The following THSD7B variants were observed in gnomAD, a reference collection of about 807,000 sequenced individuals.
The protein encoded by THSD7B is thrombospondin type-1 domain-containing protein 7B.
In THSD7B, 138 loss-of-function variants were observed where a neutral mutation model predicts 213.6. That is an observed-to-expected ratio of 0.65 (90% confidence interval 0.56 to 0.74). The LOEUF (loss-of-function observed/expected upper bound fraction) is 0.74. Ranked by LOEUF, THSD7B falls within the 30% of genes least tolerant of loss-of-function variation. The probability of loss-of-function intolerance (pLI) is 0.00; values close to 1 mark genes in which losing one functional copy is unlikely to be tolerated. For missense variants in THSD7B, 1,931 were observed against 1,991.5 expected, an observed-to-expected ratio of 0.97 and a Z score of 0.58; for synonymous variants, 742 against 687.0, an observed-to-expected ratio of 1.08 and a Z score of -1.25.
chr2:137,228,546 T>A (rs76047259), intron 7 of THSD7B, among the ~76,000 whole-genome samples: 1,959 of 152,248 alleles, frequency 0.013, 54 homozygotes, highest in East Asian at 0.075. Flanking sequence ...TCCTCCAAGA[T>A]AGTCTTTCTC....
intron 6 of THSD7B, among the ~76,000 whole-genome samples, chr2:137,163,747 T>A (rs112588196): frequency 0.034 from 5,245 of 152,314 alleles, 129 homozygotes; most frequent in Middle Eastern, 0.051. Flanking sequence ...TAGAAACTAA[T>A]ACACTGCCCA....
chr2:137,514,487 G>C (rs867069744), intron 15 of THSD7B, among the ~76,000 whole-genome samples: 2 of 152,048 alleles, frequency 1.3e-5, no homozygotes, highest in Non-Finnish European at 2.9e-5. Flanking sequence ...GGCCTATTGC[G>C]GGACCTTGTG....
intron 2 of THSD7B, among the ~76,000 whole-genome samples, chr2:136,996,332 TTTTTTTC>T (rs1441066712): frequency 2.0e-5 from 3 of 152,106 alleles, no homozygotes; most frequent in African/African-American, 7.2e-5. Context: ...TTTCTTTTTC[TTTTTTTC>T]TTTTTTCTTT....
chr2:136,999,489 T>C (rs1318458304), intron 2 of THSD7B, among the ~76,000 whole-genome samples: 1 of 151,740 alleles, frequency 6.6e-6, no homozygotes, highest in South Asian at 2.1e-4. Context: ...AAGCATGATA[T>C]TGATTTTGAC....
At chr2:137,606,198 A>G (rs1193653987) in intron 17 of THSD7B, among the ~76,000 whole-genome samples, 1 of 152,152 alleles carries the variant, frequency 6.6e-6, no homozygotes, top group Non-Finnish European at 1.5e-5. Context: ...CGAGTTAGGC[A>G]AAGTGGCGTA....
intron 27 of THSD7B, among the ~76,000 whole-genome samples, chr2:137,672,883 T>G (rs1198452527): frequency 6.6e-6 from 1 of 152,214 alleles, no homozygotes; most frequent in African/African-American, 2.4e-5. Flanking sequence ...CCCCTTCTCC[T>G]CTGGCAGTAA....
intron 12 of THSD7B, among the ~76,000 whole-genome samples, chr2:137,315,822 T>C (rs1684085797): frequency 6.6e-6 from 1 of 152,232 alleles, no homozygotes; most frequent in Non-Finnish European, 1.5e-5. Flanking sequence ...TTGTAATTTC[T>C]CATGTTAGAA....
intron 13 of THSD7B, 74 bp downstream of exon 13, chr2:137,405,881 C>T (rs745313730): frequency 3.1e-5 from 42 of 1,364,646 alleles, no homozygotes; most frequent in Non-Finnish European, 4.0e-5. Context: ...AATATGAGGT[C>T]CAAAGGACAG....
chr2:137,189,760 G>A (rs183369974), intron 7 of THSD7B, among the ~76,000 whole-genome samples: 153 of 151,958 alleles, frequency 1.0e-3, no homozygotes, highest in African/African-American at 3.4e-3. Context: ...CTGACTATGC[G>A]GACCTCACAG....
chr2:137,476,619 A>G (rs1002074059), intron 15 of THSD7B, among the ~76,000 whole-genome samples: 3 of 152,134 alleles, frequency 2.0e-5, no homozygotes, highest in South Asian at 2.1e-4. Flanking sequence ...ATGGAAAATC[A>G]GTTGTCTATA....
At chr2:137,530,682 G>A (rs1481512381) in intron 15 of THSD7B, among the ~76,000 whole-genome samples, 3 of 151,932 alleles carry the variant, frequency 2.0e-5, no homozygotes, top group African/African-American at 7.2e-5. Context: ...GGGGATAGCT[G>A]TCATAGGCTT....
intron 22 of THSD7B, among the ~76,000 whole-genome samples, chr2:137,656,565 G>A (rs890011233): frequency 6.6e-6 from 1 of 152,138 alleles, no homozygotes; most frequent in African/African-American, 2.4e-5. Flanking sequence ...ACAATTTGAA[G>A]CAAAGTAATA....
At chr2:137,509,359 C>T (rs1368137448) in intron 15 of THSD7B, among the ~76,000 whole-genome samples, 1 of 141,838 alleles carries the variant, frequency 7.1e-6, no homozygotes, top group South Asian at 2.3e-4. Context: ...TTTCTCCTTC[C>T]TTCCTCCCTT....
chr2:137,410,425 C>T (rs1686626803), intron 13 of THSD7B, among the ~76,000 whole-genome samples: 1 of 152,046 alleles, frequency 6.6e-6, no homozygotes, highest in Non-Finnish European at 1.5e-5. Context: ...CGTGCCACCA[C>T]ACCTGACTAA....
intron 2 of THSD7B, among the ~76,000 whole-genome samples, chr2:137,032,046 A>T (rs2104853374): frequency 6.6e-6 from 1 of 151,910 alleles, no homozygotes; most frequent in African/African-American, 2.4e-5. Context: ...TCGCCATGTT[A>T]CCCAGACTGG....
At chr2:136,987,741 G>A (rs1361024156) in intron 2 of THSD7B, among the ~76,000 whole-genome samples, 2 of 152,102 alleles carry the variant, frequency 1.3e-5, no homozygotes, top group Admixed American at 6.6e-5. Flanking sequence ...TTGGTCAAGT[G>A]CCAAAGATTG....
At chr2:137,494,117 T>G (rs1458794424) in intron 15 of THSD7B, among the ~76,000 whole-genome samples, 1 of 152,200 alleles carries the variant, frequency 6.6e-6, no homozygotes, top group Non-Finnish European at 1.5e-5. Context: ...TTTAAAGCTG[T>G]GGTTAACAGA....
chr2:136,789,717 G>C (rs960386638), intron 1 of THSD7B, among the ~76,000 whole-genome samples: 1 of 152,122 alleles, frequency 6.6e-6, no homozygotes, highest in East Asian at 1.9e-4. Context: ...CTCTAGAGGA[G>C]AGAGTAATGA....
intron 1 of THSD7B, among the ~76,000 whole-genome samples, chr2:136,878,686 T>G (rs1206082413): frequency 6.6e-6 from 1 of 152,160 alleles, no homozygotes; most frequent in Non-Finnish European, 1.5e-5. Context: ...GAGCATTTTT[T>G]CATGTCTCTT....
Sources: allele counts gnomAD v4.1 joint callset (sites outside exome capture counted in the v4.1 genomes callset), GRCh38; gene constraint gnomAD v4.1.1; transcripts MANE v1.5; gene names NCBI Gene and HGNC (gene_info 2026-07-23, HGNC 2026-07-21).